AUTS2: variants seen among roughly 807,000 people sequenced by gnomAD.
The protein encoded by AUTS2 is autism susceptibility gene 2 protein.
A neutral mutation model predicts 112.4 loss-of-function variants in AUTS2; 17 were observed. The observed-to-expected ratio is 0.15, with a 90% CI of 0.10 to 0.23. AUTS2 has a LOEUF of 0.23. Among genes scored for constraint, AUTS2 ranks in the 10% least tolerant of loss-of-function variants. The pLI is 1.00. For missense variants in AUTS2, 1,510 were observed against 1,701.6 expected, an observed-to-expected ratio of 0.89 and a Z score of 1.98; for synonymous variants, 751 against 702.7, an observed-to-expected ratio of 1.07 and a Z score of -1.09.
intron 4 of AUTS2, among the ~76,000 whole-genome samples, chr7:70,343,852 A>G (rs191048203): frequency 6.6e-6 from 1 of 152,264 alleles, no homozygotes; most frequent in Non-Finnish European, 1.5e-5. Flanking sequence ...CTGTTAGGAA[A>G]GGAATGAGGA....
chr7:70,299,261 T>G (rs1789089859), intron 4 of AUTS2, among the ~76,000 whole-genome samples: 4 of 152,234 alleles, frequency 2.6e-5, no homozygotes, highest in Admixed American at 2.6e-4. Flanking sequence ...TTGGGACATT[T>G]AGGTCATCTT....
chr7:69,655,285 G>A (rs987935459), intron 1 of AUTS2, among the ~76,000 whole-genome samples: 4 of 152,138 alleles, frequency 2.6e-5, no homozygotes, highest in African/African-American at 7.2e-5. Context: ...TCAGGATTTT[G>A]GCAGCTGTTT....
chr7:70,616,470 G>A (rs17493336), intron 5 of AUTS2, among the ~76,000 whole-genome samples: 57,783 of 152,022 alleles, frequency 0.38, 11,711 homozygotes, highest in African/African-American at 0.46. Context: ...GCAGCTGCCC[G>A]GTGACACCAT....
chr7:69,740,244 A>C (rs1447067321), intron 1 of AUTS2, among the ~76,000 whole-genome samples: 3 of 152,198 alleles, frequency 2.0e-5, no homozygotes, highest in African/African-American at 4.8e-5. Flanking sequence ...GCTTTTGATC[A>C]GGACAGTGTT....
chr7:70,621,018 G>A (rs575049380), intron 5 of AUTS2, among the ~76,000 whole-genome samples: 1 of 152,364 alleles, frequency 6.6e-6, no homozygotes, highest in East Asian at 1.9e-4. Flanking sequence ...ACCATGAGGG[G>A]CCGCGGTATG....
intron 4 of AUTS2, among the ~76,000 whole-genome samples, chr7:70,245,763 T>A (rs1477446003): frequency 6.6e-6 from 1 of 152,278 alleles, no homozygotes; most frequent in East Asian, 1.9e-4. Context: ...AGCATTAGAA[T>A]TGCTTGGGTT....
chr7:70,789,383 C>A (rs1355121972), intron 18 of AUTS2, among the ~76,000 whole-genome samples: 1 of 152,206 alleles, frequency 6.6e-6, no homozygotes, highest in Non-Finnish European at 1.5e-5. Context: ...GGAGTCCAGA[C>A]AGTCGGGCTG....
At chr7:70,676,276 C>T (rs1013489466) in intron 5 of AUTS2, among the ~76,000 whole-genome samples, 4 of 151,036 alleles carry the variant, frequency 2.6e-5, no homozygotes, top group Non-Finnish European at 5.9e-5. Flanking sequence ...CCCATGTCTA[C>T]CAAAAATTAG....
intron 5 of AUTS2, among the ~76,000 whole-genome samples, chr7:70,570,555 A>G (rs983638803): frequency 3.9e-5 from 6 of 152,108 alleles, no homozygotes; most frequent in African/African-American, 1.4e-4. Context: ...CCATCTGACC[A>G]GCCTCCTCTC....
chr7:69,849,259 T>C (rs567237271), intron 1 of AUTS2, among the ~76,000 whole-genome samples: 60 of 152,344 alleles, frequency 3.9e-4, no homozygotes, highest in African/African-American at 1.4e-3. Context: ...CTTCAACAAG[T>C]TATATAGGTT....
At chr7:70,536,769 G>A (rs777215910) in intron 5 of AUTS2, among the ~76,000 whole-genome samples, 1 of 151,786 alleles carries the variant, frequency 6.6e-6, no homozygotes, top group African/African-American at 2.4e-5. Context: ...GCGAGTTGGC[G>A]CATGCTTGTA....
At chr7:69,944,844 G>C (rs1174147076) in intron 2 of AUTS2, among the ~76,000 whole-genome samples, 3 of 152,168 alleles carry the variant, frequency 2.0e-5, no homozygotes, top group African/African-American at 7.2e-5. Flanking sequence ...GGATGGGAGA[G>C]TTTGAGGACA....
intron 1 of AUTS2, among the ~76,000 whole-genome samples, chr7:69,831,463 C>T (rs1300841474): frequency 6.6e-6 from 1 of 152,078 alleles, no homozygotes; most frequent in Non-Finnish European, 1.5e-5. Context: ...TGCTGCCAGT[C>T]TTGGTGGGGA....
intron 6 of AUTS2, among the ~76,000 whole-genome samples, chr7:70,705,392 C>G (rs1809682613): frequency 2.6e-5 from 4 of 152,160 alleles, no homozygotes. Context: ...CCAGTTTATT[C>G]CTGAACCTCT....
At chr7:69,800,783 C>T (rs1790048640) in intron 1 of AUTS2, among the ~76,000 whole-genome samples, 1 of 152,104 alleles carries the variant, frequency 6.6e-6, no homozygotes, top group African/African-American at 2.4e-5. Context: ...TCAAATAGAT[C>T]TTGCCTTTTT....
intron 1 of AUTS2, among the ~76,000 whole-genome samples, chr7:69,806,335 A>G (rs1790306499): frequency 6.6e-6 from 1 of 151,614 alleles, no homozygotes; most frequent in Admixed American, 6.6e-5. Context: ...GAGATAATGT[A>G]GAAATGAAAT....
chr7:69,720,347 T>A (rs1384156902), intron 1 of AUTS2, among the ~76,000 whole-genome samples: 4 of 152,182 alleles, frequency 2.6e-5, no homozygotes, highest in African/African-American at 9.6e-5. Flanking sequence ...AAATATAATA[T>A]TCTCAAGATT....
intron 4 of AUTS2, among the ~76,000 whole-genome samples, chr7:70,225,649 T>C (rs981736164): frequency 6.6e-6 from 1 of 152,098 alleles, no homozygotes; most frequent in African/African-American, 2.4e-5. Flanking sequence ...TAATGAAAAA[T>C]GTTATATGTA....
At chr7:69,939,953 A>C (rs1426270469) in intron 2 of AUTS2, among the ~76,000 whole-genome samples, 1 of 152,204 alleles carries the variant, frequency 6.6e-6, no homozygotes, top group African/African-American at 2.4e-5. Flanking sequence ...CACTCATCAT[A>C]ACAACAACAG....
Sources: allele counts gnomAD v4.1 joint callset (sites outside exome capture counted in the v4.1 genomes callset), GRCh38; gene constraint gnomAD v4.1.1; transcripts MANE v1.5; gene names NCBI Gene and HGNC (gene_info 2026-07-23, HGNC 2026-07-21).